IL9R: variants seen among roughly 807,000 people sequenced by gnomAD.
IL9R encodes the protein interleukin-9 receptor.
IL9R carries 54 observed loss-of-function variants against 56.3 expected under a neutral mutation model. The observed-to-expected ratio is 0.96, with a 90% CI of 0.77 to 1.20. IL9R has a LOEUF of 1.20. IL9R is among the 50% of genes most tolerant of loss of function. The pLI is 0.00. For synonymous variants in IL9R, 212 were observed against 250.2 expected, an observed-to-expected ratio of 0.85 and a Z score of 1.44; for missense variants, 545 against 629.8, an observed-to-expected ratio of 0.87 and a Z score of 1.44.
intron 1 of IL9R, among the ~76,000 whole-genome samples, chrX:155,998,465 C>T (rs2067287079): frequency 6.6e-6 from 1 of 152,088 alleles, no homozygotes; most frequent in Non-Finnish European, 1.5e-5. Context: ...TCCTCCTCTC[C>T]CCTCCCTGCC....
intron 5 of IL9R, among the ~76,000 whole-genome samples, chrX:156,004,957 A>G (rs944942934): frequency 2.0e-5 from 3 of 151,992 alleles, no homozygotes; most frequent in Non-Finnish European, 2.9e-5. Flanking sequence ...ATGAGTGTGT[A>G]TGTGAGTGTG....
chrX:156,003,700 A>T lies in IL9R; in HGVS notation c.278A>T (p.His93Leu), dbSNP rs767346728. ...AGCAACCAGGCTCCTGGCGGCACAC[A>T]TAAGTGCATCTTGCGGGGCAGTGAG... ...FTSNQAPGGTHKCILRGSECT... is the reference protein window; with the variant it reads ...FTSNQAPGGTLKCILRGSECT... The change falls in exon 4 of 9, where the codon CAT (histidine) becomes CTT (leucine). Residue 93 changes from histidine to leucine, a missense_variant. Around this residue, in one of 2 missense-constraint regions of IL9R, gnomAD observed 431 missense variants for 360.0 expected, o/e 1.20. Transcript: ENST00000244174. 2 of 1,613,462 alleles carry T rather than the reference A, an allele frequency of 1.2e-6. No individual in the cohort carries two copies. Among genetic ancestry groups the T allele is most frequent in the Admixed American group, 3.3e-5 (2 of 59,934 alleles).
At chrX:156,001,524 C>G in intron 1 of IL9R, 1 of 1,544,676 alleles carries the variant, frequency 6.5e-7, no homozygotes, top group Non-Finnish European at 8.9e-7. Context: ...GCTTCCTGAT[C>G]ATCAGTCTTA....
chrX:156,001,157 C>T (rs976842835), intron 1 of IL9R, among the ~76,000 whole-genome samples: 41 of 152,302 alleles, frequency 2.7e-4, no homozygotes, highest in Non-Finnish European at 4.7e-4. Context: ...GCCTGCTGAG[C>T]TTGGAGCCAT....
intron 8 of IL9R, among the ~76,000 whole-genome samples, chrX:156,009,487 T>C (rs1453290495): frequency 6.7e-6 from 1 of 148,868 alleles, no homozygotes; most frequent in Non-Finnish European, 1.5e-5. Flanking sequence ...TGAAAGGCCC[T>C]GAGGCACATG....
At chrX:156,001,701 G>A (rs1268758357) in intron 1 of IL9R, among the ~76,000 whole-genome samples, 2 of 151,954 alleles carry the variant, frequency 1.3e-5, no homozygotes, top group African/African-American at 4.8e-5. Context: ...TGTATAACCA[G>A]GCTGGCCCTG....
downstream of IL9R, among the ~76,000 whole-genome samples, chrX:156,013,007 GCTCT>G (rs1267877957): frequency 4.5e-4 from 65 of 143,042 alleles, 1 homozygote; most frequent in African/African-American, 1.7e-3. Context: ...AATAAAAGTT[GCTCT>G]CTAATACCAC....
rs1171831905 is a variant in IL9R, at chrX:156,009,888, G to A, written c.1045G>A (p.Glu349Lys). ...DCAGTPQGAL[E>K]PCVQEATALL... is the part of the protein sequence containing the mutation. ...TGCTGGCACCCCACAGGGAGCCTTG[G>A]AGCCCTGCGTCCAGGAGGCCACTGC... The change falls in exon 9 of 9, where the codon GAG becomes AAG. Residue 349 changes from glutamate (E) to lysine (K), a missense_variant. Glu to Lys is a moderately conservative substitution (Grantham distance 56). This residue lies in a region of IL9R where 114 missense variants were observed against 269.8 expected (regional missense o/e 0.42). Coordinates refer to ENST00000244174, the MANE Select transcript of IL9R (RefSeq NM_002186.3). 3.0e-5 allele frequency: 47 copies of A among 1,545,406 alleles called. 1 individual carries two copies. Among genetic ancestry groups the A allele is most frequent in the Non-Finnish European group, 4.1e-5 (47 of 1,154,206 alleles).
intron 1 of IL9R, among the ~76,000 whole-genome samples, chrX:155,998,778 T>TCAAA (rs2067310426): frequency 6.6e-6 from 1 of 151,814 alleles, no homozygotes; most frequent in East Asian, 1.9e-4. Context: ...TGCAACATGA[T>TCAAA]CAAACAGGGT....
chrX:156,008,626 T>A (rs944819110), intron 8 of IL9R, among the ~76,000 whole-genome samples: 1 of 152,120 alleles, frequency 6.6e-6, no homozygotes, highest in African/African-American at 2.4e-5. Flanking sequence ...CTAGGACACC[T>A]GCCACGGGTT....
chrX:156,009,972 G>C lies in IL9R; in HGVS notation c.1129G>C (p.Glu377Gln). The change falls in exon 9 of 9, where the codon GAG becomes CAG. Residue 377 changes from glutamate (E) to glutamine (Q), a missense_variant. Physicochemically the swap from Glu to Gln is conservative, Grantham distance 29. This residue lies in a region of IL9R where 114 missense variants were observed against 269.8 expected (regional missense o/e 0.42). Coordinates refer to ENST00000244174, the MANE Select transcript of IL9R (RefSeq NM_002186.3). ...WKSVALEEEQ[E>Q]GPGTRLPGNL... ...ATCTGTGGCCCTGGAGGAGGAACAG[G>C]AGGGCCCTGGGACCAGGCTCCCGGG... 2 of 1,557,364 alleles carry C rather than the reference G, an allele frequency of 1.3e-6. No individual in the cohort carries two copies. Among genetic ancestry groups the C allele is most frequent in the South Asian group, 2.3e-5 (2 of 87,170 alleles).
chrX:156,002,475 A>C (rs747986196), intron 1 of IL9R, among the ~76,000 whole-genome samples: 71 of 152,308 alleles, frequency 4.7e-4, no homozygotes, highest in African/African-American at 1.7e-3. Flanking sequence ...GTGAGAATTA[A>C]AGTAGAAAAT....
intron 8 of IL9R, among the ~76,000 whole-genome samples, chrX:156,008,289 AG>A (rs1476216142): frequency 2.0e-5 from 3 of 151,198 alleles, no homozygotes; most frequent in Non-Finnish European, 4.4e-5. Flanking sequence ...AGAGGCAGTG[AG>A]GGCCCCTCCC....
At chrX:156,003,109 G>A in intron 2 of IL9R, 90 bp downstream of exon 2, 2 of 1,550,394 alleles carry the variant, frequency 1.3e-6, no homozygotes, top group Non-Finnish European at 1.8e-6. Flanking sequence ...AGCCTCTAGG[G>A]AAAGGTTTGG....
intron 1 of IL9R, chrX:156,001,267 A>T (rs3093484): frequency 4.1e-6 from 3 of 734,088 alleles, no homozygotes; most frequent in Non-Finnish European, 5.0e-6. Flanking sequence ...CTGGGGCAGC[A>T]GTTGTCCATT....
At chrX:156,001,334 TG>T in intron 1 of IL9R, 1 of 993,198 alleles carries the variant, frequency 1.0e-6, no homozygotes, top group Non-Finnish European at 1.6e-6. Context: ...CCCCAGGTCC[TG>T]GTGGTGACTC....
chrX:155,998,974 C>T (rs1181960405), intron 1 of IL9R, among the ~76,000 whole-genome samples: 1 of 152,070 alleles, frequency 6.6e-6, no homozygotes, highest in Non-Finnish European at 1.5e-5. Context: ...GGGACTGTGC[C>T]AATATCCTCA....
At chrX:156,005,818 T>C (rs3093507) in intron 6 of IL9R, among the ~76,000 whole-genome samples, 23,810 of 148,970 alleles carry the variant, frequency 0.16, 2,417 homozygotes, top group South Asian at 0.28. Flanking sequence ...AGTGCTGAGA[T>C]GGCCCAGGGA....
rs149441902 is a variant in IL9R at position 156,009,955 on chromosome X, C to G, written c.1112C>G (p.Ala371Gly). ...CCAGCGCGTCCTTGGAAATCTGTGG[C>G]CCTGGAGGAGGAACAGGAGGGCCCT... Reference protein sequence around the residue: ...CGPARPWKSVALEEEQEGPGT... With the variant: ...CGPARPWKSVGLEEEQEGPGT... Residue 371 changes from alanine to glycine, a missense_variant, in exon 9 of 9, where the codon GCC (alanine) becomes GGC (glycine). By Grantham distance (60) the Ala-to-Gly change is moderately conservative. Transcript: ENST00000244174. 6.0e-4 allele frequency: 937 copies of G among 1,556,932 alleles called. 141 individuals are homozygous for G. In the African/African-American group the frequency reaches 0.015, roughly 25 times the overall value.
Sources: gnomAD v4.1 joint callset for allele counts (sites outside exome capture counted in the v4.1 genomes callset) on GRCh38, gnomAD v4.1.1 for gene constraint, gnomAD v4.1.1 regional missense constraint, MANE v1.5 for transcripts, NCBI Gene and HGNC (gene_info 2026-07-23, HGNC 2026-07-21) for gene names.